Variants in MORN5 observed in about 807,000 individuals in gnomAD.
The protein encoded by MORN5 is MORN repeat containing 5.
A neutral mutation model predicts 22.1 loss-of-function variants in MORN5; 21 were observed. The observed-to-expected ratio is 0.95, with a 90% CI of 0.67 to 1.37. The LOEUF is 1.37. Ranked by LOEUF, MORN5 falls within the 40% of genes most tolerant of loss-of-function variation. The pLI, the probability that MORN5 is intolerant of heterozygous loss-of-function variation, is 0.00. For synonymous variants in MORN5, 73 were observed against 74.0 expected, an observed-to-expected ratio of 0.99 and a Z score of 0.07; for missense variants, 211 against 215.1, an observed-to-expected ratio of 0.98 and a Z score of 0.12.
At position 122,197,613 on chromosome 9, in the gene MORN5, G is replaced by C. The variant is rs1353066805; in HGVS notation, c.440-2272G>C. 6.6e-6 allele frequency among the ~76,000 whole-genome samples: 1 copy of C among 152,182 alleles called. No homozygotes were observed. Among genetic ancestry groups the C allele is most frequent in the South Asian group, 2.1e-4 (1 of 4,824 alleles). On this transcript the variant is annotated intron_variant, in intron 4 of 4. Coordinates refer to ENST00000373764, the MANE Select transcript of MORN5 (RefSeq NM_198469.4). This position sits in a 1 kb window ranked among gnomAD's most constrained non-coding sequence, Gnocchi z 5.7. ...CTGTACAGCCAGGTAGAGAGTGAAAGGGGTAGTGAAGAGGGCTGTTAAGTC... is the reference window on the plus strand; with the variant it reads ...CTGTACAGCCAGGTAGAGAGTGAAACGGGTAGTGAAGAGGGCTGTTAAGTC...
At chr9:122,169,850 A>G in intron 3 of MORN5, 94 bp downstream of exon 3, 2 of 902,118 alleles carry the variant, frequency 2.2e-6, no homozygotes, top group Non-Finnish European at 3.7e-6. Context: ...AAAGTAACTT[A>G]AAGGGGAAGA....
chr9:122,172,260 C>T (rs1183923775), intron 3 of MORN5, among the ~76,000 whole-genome samples: 2 of 151,718 alleles, frequency 1.3e-5, no homozygotes, highest in Admixed American at 1.3e-4. Context: ...CATGCCCGGC[C>T]GCTTACATCT....
intron 2 of MORN5, among the ~76,000 whole-genome samples, chr9:122,167,331 G>A (rs61691095): frequency 0.05 from 7,416 of 148,200 alleles, 642 homozygotes; most frequent in African/African-American, 0.18. Context: ...CAGGTGCGCA[G>A]GTGTGAGCCA....
chr9:122,164,862 A>G (rs1284222410), intron 1 of MORN5, among the ~76,000 whole-genome samples: 1 of 152,200 alleles, frequency 6.6e-6, no homozygotes, highest in Non-Finnish European at 1.5e-5. Flanking sequence ...TTTCACAACC[A>G]TCGTCTCACT....
chr9:122,168,750 T>C (rs1829323741), intron 2 of MORN5, among the ~76,000 whole-genome samples: 1 of 152,208 alleles, frequency 6.6e-6, no homozygotes, highest in African/African-American at 2.4e-5. Context: ...ATAACATTTA[T>C]TGAGTGCTTA....
At chr9:122,174,921 A>G in intron 4 of MORN5, 1 of 958,008 alleles carries the variant, frequency 1.0e-6, no homozygotes, top group Non-Finnish European at 1.2e-6. Context: ...TTTAATGGGC[A>G]CCTACTATAT....
chr9:122,192,120 A>G (rs536806564), intron 4 of MORN5, among the ~76,000 whole-genome samples: 2 of 152,190 alleles, frequency 1.3e-5, no homozygotes, highest in Non-Finnish European at 2.9e-5. Context: ...GACGTGTCCA[A>G]AATCACCCAG....
intron 4 of MORN5, 82 bp downstream of exon 4, chr9:122,174,709 A>G: frequency 6.2e-7 from 1 of 1,607,966 alleles, no homozygotes; most frequent in Non-Finnish European, 8.5e-7. Flanking sequence ...ATGTATGCAC[A>G]CACTTGATGA....
chr9:122,164,635 T>G (rs1367267961), intron 1 of MORN5: 1 of 985,388 alleles, frequency 1.0e-6, no homozygotes, highest in African/African-American at 1.7e-5. Flanking sequence ...TGAACAGTGA[T>G]GTCCAGTTCA....
chr9:122,175,669 A>G, intron 4 of MORN5: 3 of 985,358 alleles, frequency 3.0e-6, no homozygotes, highest in Non-Finnish European at 3.6e-6. Context: ...CCCTCTAAAG[A>G]CCTAGGTCAA....
intron 3 of MORN5, among the ~76,000 whole-genome samples, chr9:122,170,097 A>G (rs1233551719): frequency 1.3e-5 from 2 of 152,234 alleles, no homozygotes; most frequent in Non-Finnish European, 2.9e-5. Flanking sequence ...CAGGACTTCC[A>G]GACCATCCTG....
intron 1 of MORN5, among the ~76,000 whole-genome samples, chr9:122,165,201 T>A (rs192898312): frequency 6.6e-6 from 1 of 152,192 alleles, no homozygotes; most frequent in East Asian, 1.9e-4. Flanking sequence ...TATATATATG[T>A]CAGGCCCTTT....
At position 122,165,395 on chromosome 9, in the gene MORN5, CAAAAAAA is replaced by C. The variant is rs59306308; in HGVS notation, c.48-1354_48-1348del. On this transcript the variant is annotated intron_variant, in intron 1 of 4. Coordinates refer to ENST00000373764, the MANE Select transcript of MORN5 (RefSeq NM_198469.4). ...GCAACATAGGGAAACCCCGTCTCTA[CAAAAAAA>C]AAAAAAAAAAAAAAAAAATTAAATA... Among the ~76,000 whole-genome samples the C allele has an allele frequency of 7.4e-3, 614 of 82,940 alleles. 6 individuals carry two copies. The highest frequency in any genetic ancestry group is 9.9e-3 in the Admixed American group (69 of 6,936). The allele number at this position is 82,940 out of a possible 152,430, so 54.4% of individuals were successfully genotyped here. A position where few individuals can be genotyped will look rare whatever the true frequency, so the allele number is the denominator to read the frequency against.
chr9:122,176,798 A>G (rs551085931), intron 4 of MORN5, among the ~76,000 whole-genome samples: 14 of 152,306 alleles, frequency 9.2e-5, no homozygotes, highest in Non-Finnish European at 2.1e-4. Flanking sequence ...GAATCACTTG[A>G]ACCTGGGAGG....
Position 122,191,789 on chromosome 9 carries a change from T to C in MORN5, c.440-8096T>C, listed in dbSNP as rs537067779. Reference sequence around the variant, plus strand: ...CTGCCCTGGCTTGCCCTGCTGGCTTTGAACAAAAATTATTAGCTGAGCTGT... The same window carrying C: ...CTGCCCTGGCTTGCCCTGCTGGCTTCGAACAAAAATTATTAGCTGAGCTGT... On this transcript the variant is annotated intron_variant, in intron 4 of 4. Transcript: ENST00000373764. Among the ~76,000 whole-genome samples, 318 of 152,336 alleles carry C rather than the reference T, an allele frequency of 2.1e-3. 2 individuals carry two copies. The highest frequency in any genetic ancestry group is 7.2e-3 in the African/African-American group (298 of 41,586).
chr9:122,169,704 C>T lies in MORN5; in HGVS notation c.255C>T (p.Asp85=), dbSNP rs142170884. The change falls in exon 3 of 5, where the codon GAC becomes GAT. Residue 85 remains aspartate, a synonymous_variant. Coordinates refer to ENST00000373764, the MANE Select transcript of MORN5 (RefSeq NM_198469.4). The stretch of plus-strand genomic sequence containing the variant: ...ATGAGAAAAACTGGCATTACTGCGA[C>T]GGCTATGATCGGAGGTTTTACACAG... ...HYDEKNWHYC[D]GYDRRFYTEI... is the part of the protein sequence containing the mutation. 19 of 1,614,004 alleles carry T rather than the reference C, an allele frequency of 1.2e-5. No homozygotes were observed. Among genetic ancestry groups the T allele is most frequent in the Middle Eastern group, 1.6e-4 (1 of 6,084 alleles).
At chr9:122,164,260 A>C (rs985054937) in intron 1 of MORN5, among the ~76,000 whole-genome samples, 1 of 152,096 alleles carries the variant, frequency 6.6e-6, no homozygotes, top group Non-Finnish European at 1.5e-5. Context: ...AGGGAGGAGA[A>C]GGAGAGAAGG....
chr9:122,174,645 C>T lies in MORN5; in HGVS notation c.439+18C>T, dbSNP rs1829420534. Reference sequence around the variant, plus strand: ...AAACGCAGGTAGGTTTCTTCCGACACTGCAGCACGTTTTCTCTTCACCCAC... The same window carrying T: ...AAACGCAGGTAGGTTTCTTCCGACATTGCAGCACGTTTTCTCTTCACCCAC... On this transcript the variant is annotated intron_variant, in intron 4 of 4. Transcript: ENST00000373764. The T allele has an allele frequency of 6.2e-7, 1 of 1,614,018 alleles. No individual in the cohort carries two copies.
At chr9:122,170,815 G>A (rs879120960) in intron 3 of MORN5, among the ~76,000 whole-genome samples, 1 of 152,176 alleles carries the variant, frequency 6.6e-6, no homozygotes, top group Admixed American at 6.5e-5. Context: ...ACGTGTTCCA[G>A]GTCAGGTGAG....
Sources: allele counts gnomAD v4.1 joint callset (sites outside exome capture counted in the v4.1 genomes callset), GRCh38; gene constraint gnomAD v4.1.1; non-coding constraint Gnocchi (gnomAD v3.1); transcripts MANE v1.5; gene names NCBI Gene and HGNC (gene_info 2026-07-23, HGNC 2026-07-21).